The following CFAP157 variants were observed in gnomAD, a reference collection of about 807,000 sequenced individuals.
CFAP157 encodes cilia and flagella associated protein 157.
In CFAP157, 43 loss-of-function variants were observed where a neutral mutation model predicts 57.8. The ratio of observed to expected loss-of-function variants is 0.74; its 90% confidence interval spans 0.58 to 0.96. The LOEUF is 0.96. Among genes scored for constraint, CFAP157 ranks in the 40% least tolerant of loss-of-function variants. CFAP157 has a pLI of 0.00. For missense variants in CFAP157, 606 were observed against 655.3 expected (o/e 0.92, Z 0.82); for synonymous variants, 267 against 269.0 (o/e 0.99, Z 0.07).
chr9:127,715,571 C>T lies in CFAP157; in HGVS notation c.*1666C>T. 1.2e-6 allele frequency: 2 copies of T among 1,613,556 alleles called. No individual in the cohort carries two copies. The highest frequency in any genetic ancestry group is 1.7e-6 in the Non-Finnish European group (2 of 1,180,040). ...TCCACCGCTTCCCCGGGGGGCGAGG[C>T]TCCAAAACACATCGGCTCATGGCTC... On this transcript the variant is annotated 3_prime_UTR_variant, in exon 9 of 9. Coordinates refer to ENST00000373295, the MANE Select transcript of CFAP157 (RefSeq NM_001012502.3). This position sits in a 1 kb window ranked among gnomAD's most constrained non-coding sequence, Gnocchi z 5.8.
rs368488988 is a variant in CFAP157, at chr9:127,710,769, C to A, written c.587+15C>A. Reference sequence around the variant, plus strand: ...GACAAGGACAGGTGGGCAAGCGGGGCACCCTTTGGGGCCTTTGGAGGCTTC... The same window carrying A: ...GACAAGGACAGGTGGGCAAGCGGGGAACCCTTTGGGGCCTTTGGAGGCTTC... On this transcript the variant is annotated intron_variant, in intron 3 of 8. Coordinates refer to ENST00000373295, the MANE Select transcript of CFAP157 (RefSeq NM_001012502.3). 6.4e-7 allele frequency: 1 copy of A among 1,557,316 alleles called. No homozygotes were observed.
chr9:127,712,490 A>G lies in CFAP157; in HGVS notation c.1137+141A>G, dbSNP rs1407319865. The G allele has an allele frequency of 2.1e-6, 3 of 1,459,200 alleles. No individual in the cohort carries two copies. The African/African-American group carries it at 4.3e-5, about 21-fold the overall frequency. 90.4% of individuals were successfully genotyped at this position (1,459,200 alleles called of 1,614,324 possible). A position where few individuals can be genotyped will look rare whatever the true frequency, so the allele number is the denominator to read the frequency against. On this transcript the variant is annotated intron_variant, in intron 6 of 8. Coordinates refer to ENST00000373295, the MANE Select transcript of CFAP157 (RefSeq NM_001012502.3). ...CTCCTGGAAAGTCTGTCCTTCGCTG[A>G]TTCTGGCCTTCAAAGATCCCTCCAA...
At chr9:127,708,998 C>T (rs1197129801) in intron 1 of CFAP157, among the ~76,000 whole-genome samples, 5 of 152,224 alleles carry the variant, frequency 3.3e-5, no homozygotes, top group Non-Finnish European at 5.9e-5. Flanking sequence ...CCTGGCTGTG[C>T]CACTTACAAA....
intron 5 of CFAP157, 89 bp from the exon 6 acceptor site, chr9:127,712,110 T>C: frequency 1.3e-6 from 2 of 1,551,506 alleles, no homozygotes; most frequent in South Asian, 1.2e-5. Context: ...CCCTGTGGGC[T>C]TGGAGAGAAA....
Position 127,715,735 on chromosome 9 carries a change from A to G in CFAP157, c.*1830A>G. ...GTTTGGCGTCCACCGCCAACGTCCA[A>G]TCCGGGCCGGGCTACGTGGCCGCCA... On this transcript the variant is annotated 3_prime_UTR_variant, in exon 9 of 9. Transcript: ENST00000373295. This position sits in a 1 kb window ranked among gnomAD's most constrained non-coding sequence, Gnocchi z 5.8. 1 of 1,542,130 alleles carries G rather than the reference A, an allele frequency of 6.5e-7. No homozygotes were observed. Among genetic ancestry groups the G allele is most frequent in the Non-Finnish European group, 8.7e-7 (1 of 1,149,296 alleles).
In CFAP157 at chr9:127,711,813, C is replaced by A; in HGVS notation, c.856-7C>A. 6.4e-7 allele frequency: 1 copy of A among 1,558,514 alleles called. No individual in the cohort carries two copies. The highest frequency in any genetic ancestry group is 8.7e-7 in the Non-Finnish European group (1 of 1,151,140). ...CTGAGGGCATGGCCACCTGTCCGCACCCGCAGATCATCCTCATGCTGACTA... is the reference window on the plus strand; with the variant it reads ...CTGAGGGCATGGCCACCTGTCCGCAACCGCAGATCATCCTCATGCTGACTA... On this transcript the variant is annotated splice_region_variant and splice_polypyrimidine_tract_variant and intron_variant, in intron 4 of 8. Transcript: ENST00000373295.
intron 2 of CFAP157, 79 bp from the exon 3 acceptor site, chr9:127,710,522 A>C (rs1055196822): frequency 7.1e-5 from 108 of 1,512,132 alleles, no homozygotes; most frequent in Non-Finnish European, 8.5e-5. Context: ...CAGGGACCTA[A>C]GGGGCATCTT....
rs1564372465 is a variant in CFAP157, at chr9:127,715,719, C to CCG, written c.*1815_*1816insGC. 3 of 1,553,822 alleles carry CCG rather than the reference C, an allele frequency of 1.9e-6. No individual in the cohort carries two copies. Among genetic ancestry groups the CCG allele is most frequent in the Non-Finnish European group, 2.6e-6 (3 of 1,154,966 alleles). On this transcript the variant is annotated 3_prime_UTR_variant, in exon 9 of 9. Coordinates refer to ENST00000373295, the MANE Select transcript of CFAP157 (RefSeq NM_001012502.3). This position sits in a 1 kb window ranked among gnomAD's most constrained non-coding sequence, Gnocchi z 5.8. ...AATCGTGTTGCCAACTGTTTGGCGT[C>CCG]CACCGCCAACGTCCAATCCGGGCCG...
Position 127,709,696 on chromosome 9 carries a change from G to A in CFAP157, c.433+3G>A. 2 of 1,612,096 alleles carry A rather than the reference G, an allele frequency of 1.2e-6. No individual in the cohort carries two copies. The highest frequency in any genetic ancestry group is 1.3e-5 in the African/African-American group (1 of 74,992). ...CACCACGGAGAACATCATCCTTGGT[G>A]AGGAGGGGACTGGCTGGTGAGCCTG... On this transcript the variant is annotated splice_donor_region_variant and intron_variant, in intron 2 of 8. Coordinates refer to ENST00000373295, the MANE Select transcript of CFAP157 (RefSeq NM_001012502.3). This position sits in a 1 kb window ranked among gnomAD's most constrained non-coding sequence, Gnocchi z 4.7.
chr9:127,707,158 A>G lies in CFAP157; in HGVS notation c.127A>G (p.Ile43Val). 6.2e-7 allele frequency: 1 copy of G among 1,613,476 alleles called. No homozygotes were observed. The highest frequency in any genetic ancestry group is 8.5e-7 in the Non-Finnish European group (1 of 1,179,986). Residue 43 changes from isoleucine to valine, a missense_variant, in exon 1 of 9, where the codon ATC becomes GTC. Physicochemically the swap from Ile to Val is conservative, Grantham distance 29. Coordinates refer to ENST00000373295, the MANE Select transcript of CFAP157 (RefSeq NM_001012502.3). ...LAKEMKEFYH[I>V]QIRDLEDRLA... ...CAAGGAGATGAAGGAGTTCTACCAC[A>G]TCCAGATCCGAGACCTGGAGGACCG...
intron 1 of CFAP157, 50 bp downstream of exon 1, chr9:127,707,242 G>T (rs751445300): frequency 1.3e-6 from 2 of 1,584,972 alleles, no homozygotes; most frequent in Non-Finnish European, 1.7e-6. Context: ...AGAAGCCCAT[G>T]CCCAGGTGGC....
At position 127,710,781 on chromosome 9, in the gene CFAP157, C is replaced by T. The variant is rs1328980852; in HGVS notation, c.587+27C>T. Reference sequence around the variant, plus strand: ...TGGGCAAGCGGGGCACCCTTTGGGGCCTTTGGAGGCTTCATCCCTGGGGCT... The same window carrying T: ...TGGGCAAGCGGGGCACCCTTTGGGGTCTTTGGAGGCTTCATCCCTGGGGCT... On this transcript the variant is annotated intron_variant, in intron 3 of 8. Coordinates refer to ENST00000373295, the MANE Select transcript of CFAP157 (RefSeq NM_001012502.3). The T allele has an allele frequency of 4.5e-6, 7 of 1,552,352 alleles. No individual in the cohort carries two copies. In the African/African-American group the frequency reaches 6.8e-5, roughly 15 times the overall value.
rs1002352970 is a variant in CFAP157, at chr9:127,707,070, G to C, written c.39G>C (p.Glu13Asp). 1 of 1,613,998 alleles carries C rather than the reference G, an allele frequency of 6.2e-7. No individual in the cohort carries two copies. Among genetic ancestry groups the C allele is most frequent in the Admixed American group, 1.7e-5 (1 of 60,034 alleles). Residue 13 changes from glutamate to aspartate, a missense_variant, in exon 1 of 9, where the codon GAG (glutamate) becomes GAC (aspartate). Glu to Asp is a conservative substitution (Grantham distance 45). Coordinates refer to ENST00000373295, the MANE Select transcript of CFAP157 (RefSeq NM_001012502.3). ...AGAGTGTGAGCAAGGCAGGCAAGGA[G>C]CTTGAAGTCAAGAAGAAAGGGGGCA... ...PKKSVSKAGK[E>D]LEVKKKGGKK...
chr9:127,712,963 C>T, intron 7 of CFAP157, 57 bp from the exon 8 acceptor site: 1 of 1,598,094 alleles, frequency 6.3e-7, no homozygotes, highest in South Asian at 1.1e-5. Flanking sequence ...TCGGCTCACC[C>T]TGGGCCAGAA....
Position 127,714,912 on chromosome 9 carries a change from GCCCCCGC to G in CFAP157, c.*1008_*1014del. 4.4e-5 allele frequency: 34 copies of G among 766,436 alleles called. No individual in the cohort carries two copies. Among genetic ancestry groups the G allele is most frequent in the East Asian group, 1.1e-4 (4 of 35,802 alleles). The allele number at this position is 766,436 out of a possible 1,614,324, so 47.5% of individuals were successfully genotyped here. On this transcript the variant is annotated 3_prime_UTR_variant, in exon 9 of 9. Coordinates refer to ENST00000373295, the MANE Select transcript of CFAP157 (RefSeq NM_001012502.3). ...CTGTCACAGCCAGTGCTCCCCTCTG[GCCCCCGC>G]GCCCCAACCCCCACCCCCTTGGCCC... is the stretch of plus-strand genomic sequence containing the variant.
At position 127,707,118 on chromosome 9, in the gene CFAP157, G is replaced by A. The variant is rs1176424858; in HGVS notation, c.87G>A (p.Val29=). 2 of 1,613,490 alleles carry A rather than the reference G, an allele frequency of 1.2e-6. No homozygotes were observed. The highest frequency in any genetic ancestry group is 1.7e-6 in the Non-Finnish European group (2 of 1,179,972). The change falls in exon 1 of 9, where the codon GTG becomes GTA. Residue 29 remains valine (V), a synonymous_variant. Transcript: ENST00000373295. ...KGGKKEPVVA[V]EPPLAKEMKE... ...GCAAGAAGGAGCCGGTGGTGGCCGTGGAGCCGCCTCTGGCCAAGGAGATGA... is the reference window on the plus strand; with the variant it reads ...GCAAGAAGGAGCCGGTGGTGGCCGTAGAGCCGCCTCTGGCCAAGGAGATGA...
chr9:127,714,064 G>A lies in CFAP157; in HGVS notation c.*159G>A, dbSNP rs768046728. 21 of 1,603,332 alleles carry A rather than the reference G, an allele frequency of 1.3e-5. No homozygotes were observed. Among genetic ancestry groups the A allele is most frequent in the Non-Finnish European group, 1.6e-5 (19 of 1,174,468 alleles). The stretch of plus-strand genomic sequence containing the variant: ...TCTGTGGCAGTGGCTGGGTTGGTGG[G>A]CACTACAGTCAGGCAGGCAGCCATG... On this transcript the variant is annotated 3_prime_UTR_variant, in exon 9 of 9. Coordinates refer to ENST00000373295, the MANE Select transcript of CFAP157 (RefSeq NM_001012502.3).
In CFAP157 at chr9:127,707,386, G is replaced by T. The variant is rs573503809; in HGVS notation, c.161+194G>T. ...GGTTTCAAGATTTTGAGGGTAAATGGATTTCCCCACCTTCCCAGCTCCTAG... is the reference window on the plus strand; with the variant it reads ...GGTTTCAAGATTTTGAGGGTAAATGTATTTCCCCACCTTCCCAGCTCCTAG... On this transcript the variant is annotated intron_variant, in intron 1 of 8. Coordinates refer to ENST00000373295, the MANE Select transcript of CFAP157 (RefSeq NM_001012502.3). Among the ~76,000 whole-genome samples the T allele has an allele frequency of 2.6e-5, 4 of 152,304 alleles. No individual in the cohort carries two copies. The Middle Eastern group carries it at 0.01, about 389-fold the overall frequency.
rs1842964566 is a variant in CFAP157, at chr9:127,715,778, A to G, written c.*1873A>G. On this transcript the variant is annotated 3_prime_UTR_variant, in exon 9 of 9. Coordinates refer to ENST00000373295, the MANE Select transcript of CFAP157 (RefSeq NM_001012502.3). This position sits in a 1 kb window ranked among gnomAD's most constrained non-coding sequence, Gnocchi z 5.8. ...GGCCGCCATGCTTCTGAGGGGCGGA[A>G]GCGGCGAGGCGGTGGCCGAGTCCGG... 1.3e-6 allele frequency: 2 copies of G among 1,494,218 alleles called. No individual in the cohort carries two copies. The highest frequency in any genetic ancestry group is 1.4e-5 in the African/African-American group (1 of 70,862). 92.6% of individuals were successfully genotyped at this position (1,494,218 alleles called of 1,614,324 possible).
Sources: gnomAD v4.1 joint callset for allele counts (sites outside exome capture counted in the v4.1 genomes callset) on GRCh38, gnomAD v4.1.1 for gene constraint, Gnocchi (gnomAD v3.1) non-coding constraint, MANE v1.5 for transcripts, NCBI Gene and HGNC (gene_info 2026-07-23, HGNC 2026-07-21) for gene names.